TENM2: variants seen among roughly 807,000 people sequenced by gnomAD.
The protein encoded by TENM2 is teneurin transmembrane protein 2, also known as teneurin-2.
A neutral mutation model predicts 245.2 loss-of-function variants in TENM2; 52 were observed. The observed-to-expected ratio is 0.21, with a 90% CI of 0.17 to 0.27. The LOEUF (loss-of-function observed/expected upper bound fraction) is 0.27, where lower values mean the gene tolerates loss of function less well. Among genes scored for constraint, TENM2 ranks in the 10% least tolerant of loss-of-function variants. The pLI is 1.00. For synonymous variants in TENM2, 1,363 were observed against 1,438.9 expected, an observed-to-expected ratio of 0.95 and a Z score of 1.19; for missense variants, 3,046 against 3,666.8, an observed-to-expected ratio of 0.83 and a Z score of 4.37.
the TENM2 span, among the ~76,000 whole-genome samples, chr5:166,999,869 C>T: frequency 6.6e-6 from 1 of 150,890 alleles, no homozygotes; most frequent in Non-Finnish European, 1.5e-5. Flanking sequence ...GCCCAGGGAA[C>T]TTGAGAGAAG....
At chr5:167,383,730 A>T (rs1394424930) in intron 2 of TENM2, among the ~76,000 whole-genome samples, 3 of 43,582 alleles carry the variant, frequency 6.9e-5, no homozygotes, top group Non-Finnish European at 7.8e-5. Flanking sequence ...GTGCAGGATA[A>T]AAAAAAAAAA....
chr5:167,604,522 G>A (rs1776888459), intron 2 of TENM2, among the ~76,000 whole-genome samples: 1 of 152,154 alleles, frequency 6.6e-6, no homozygotes, highest in East Asian at 1.9e-4. Context: ...TGTGATCTAA[G>A]TATCTGGTAG....
intron 2 of TENM2, among the ~76,000 whole-genome samples, chr5:167,831,878 T>C (rs1001370062): frequency 3.9e-5 from 6 of 152,148 alleles, no homozygotes; most frequent in African/African-American, 1.2e-4. Context: ...CCTGTCCATA[T>C]GTAGATTTCC....
At chr5:167,256,926 T>C in the TENM2 span, among the ~76,000 whole-genome samples, 1 of 152,166 alleles carries the variant, frequency 6.6e-6, no homozygotes, top group Admixed American at 6.6e-5. Context: ...GAAGTTTTGC[T>C]GTGTAAAAAG....
intron 5 of TENM2, among the ~76,000 whole-genome samples, chr5:168,021,623 C>G (rs1037787757): frequency 1.3e-5 from 2 of 152,158 alleles, no homozygotes; most frequent in African/African-American, 4.8e-5. Flanking sequence ...CTACAGAACT[C>G]ACACTCAAGA....
chr5:168,209,738 C>A (rs1762644088), intron 19 of TENM2, among the ~76,000 whole-genome samples: 1 of 152,206 alleles, frequency 6.6e-6, no homozygotes, highest in South Asian at 2.1e-4. Flanking sequence ...GGGAAGCAGC[C>A]TCATTCCTTG....
intron 2 of TENM2, among the ~76,000 whole-genome samples, chr5:167,789,136 A>G (rs527327160): frequency 2.4e-4 from 36 of 152,354 alleles, no homozygotes; most frequent in Admixed American, 3.3e-4. Flanking sequence ...AAAGGTATCA[A>G]TAAAAAAACT....
chr5:167,083,732 C>T, the TENM2 span, among the ~76,000 whole-genome samples: 1 of 152,164 alleles, frequency 6.6e-6, no homozygotes, highest in Admixed American at 6.5e-5. Context: ...TACTGCCCAC[C>T]AAGTTTCCTT....
chr5:168,028,624 A>G (rs1327384214), intron 5 of TENM2, among the ~76,000 whole-genome samples: 2 of 152,182 alleles, frequency 1.3e-5, no homozygotes, highest in Non-Finnish European at 2.9e-5. Flanking sequence ...TGCTTTTAAT[A>G]TAATATATCC....
intron 9 of TENM2, among the ~76,000 whole-genome samples, chr5:168,113,146 G>A (rs1428838949): frequency 6.6e-5 from 10 of 151,822 alleles, no homozygotes; most frequent in Admixed American, 2.0e-4. Flanking sequence ...AAGAGACCCC[G>A]TCTCTACCGA....
intron 7 of TENM2, among the ~76,000 whole-genome samples, chr5:168,066,426 G>T (rs571489398): frequency 1.2e-4 from 18 of 152,282 alleles, no homozygotes; most frequent in African/African-American, 4.1e-4. Context: ...ACCTGTCCTA[G>T]TGGCCTTTGT....
intron 2 of TENM2, among the ~76,000 whole-genome samples, chr5:167,684,645 T>C (rs1013771986): frequency 6.6e-6 from 1 of 152,212 alleles, no homozygotes; most frequent in Non-Finnish European, 1.5e-5. Context: ...TGCTATAGGC[T>C]ATTTTAAGGG....
At chr5:167,993,009 C>G in exon 5 of TENM2, 1 of 1,613,988 alleles carries the variant, frequency 6.2e-7, no homozygotes, top group Non-Finnish European at 8.5e-7. Context: ...CCGGGATACC[C>G]TTTGACCTCA....
chr5:167,643,278 G>A (rs564137700), intron 2 of TENM2, among the ~76,000 whole-genome samples: 17 of 151,964 alleles, frequency 1.1e-4, no homozygotes, highest in African/African-American at 2.2e-4. Flanking sequence ...CCCACACCCC[G>A]CCCTAGGCAA....
intron 6 of TENM2, among the ~76,000 whole-genome samples, chr5:168,058,735 A>C (rs1222718623): frequency 1.3e-5 from 2 of 152,196 alleles, no homozygotes; most frequent in East Asian, 3.8e-4. Flanking sequence ...CTCTTAGAGA[A>C]TTCCTTACTC....
At chr5:167,799,949 G>T (rs1378648802) in intron 2 of TENM2, among the ~76,000 whole-genome samples, 1 of 152,178 alleles carries the variant, frequency 6.6e-6, no homozygotes, top group African/African-American at 2.4e-5. Flanking sequence ...TAGGCCCTAG[G>T]CATGTGTGTT....
At chr5:168,122,398 G>T (rs757145092) in intron 10 of TENM2, among the ~76,000 whole-genome samples, 4 of 151,954 alleles carry the variant, frequency 2.6e-5, no homozygotes, top group Non-Finnish European at 4.4e-5. Context: ...GGATGGTCTC[G>T]GTCTCCTGAC....
At chr5:167,114,035 G>C in the TENM2 span, among the ~76,000 whole-genome samples, 1 of 152,200 alleles carries the variant, frequency 6.6e-6, no homozygotes, top group Non-Finnish European at 1.5e-5. Context: ...ATGACCTGCA[G>C]CCTTCCTTAG....
At chr5:167,870,413 C>G (rs950551635) in intron 2 of TENM2, among the ~76,000 whole-genome samples, 1 of 151,922 alleles carries the variant, frequency 6.6e-6, no homozygotes, top group East Asian at 1.9e-4. Context: ...GACTTGGGTT[C>G]AAATCCCAGC....
Sources: gnomAD v4.1 joint callset for allele counts (sites outside exome capture counted in the v4.1 genomes callset) on GRCh38, gnomAD v4.1.1 for gene constraint, MANE v1.5 for transcripts, NCBI Gene and HGNC (gene_info 2026-07-23, HGNC 2026-07-21) for gene names.